GRIN2A: variants seen among roughly 807,000 people sequenced by gnomAD.
GRIN2A encodes the protein glutamate ionotropic receptor NMDA type subunit 2A.
Under a neutral mutation model 113.4 loss-of-function variants are expected in GRIN2A, and 22 were observed. The ratio of observed to expected loss-of-function variants is 0.19; its 90% CI spans 0.14 to 0.28. The LOEUF (loss-of-function observed/expected upper bound fraction) is 0.28. Ranked by LOEUF, GRIN2A falls within the 10% of genes least tolerant of loss-of-function variation. The probability of loss-of-function intolerance (pLI) is 1.00; values close to 1 mark genes in which losing one functional copy is unlikely to be tolerated. For missense variants in GRIN2A, 1,502 were observed against 1,887.0 expected (o/e 0.80, Z 3.78); for synonymous variants, 827 against 738.4 (o/e 1.12, Z -1.94).
intron 2 of GRIN2A, among the ~76,000 whole-genome samples, chr16:10,121,132 C>A (rs1454057648): frequency 6.6e-6 from 1 of 152,142 alleles, no homozygotes; most frequent in Non-Finnish European, 1.5e-5. Flanking sequence ...AAGGGTGGGG[C>A]AACCACAAAG....
At chr16:9,769,743 T>C (rs187038277) in intron 11 of GRIN2A, among the ~76,000 whole-genome samples, 70 of 152,270 alleles carry the variant, frequency 4.6e-4, no homozygotes, top group Middle Eastern at 3.4e-3. Flanking sequence ...ACCCAGATCA[T>C]AGTAAGTTTT....
chr16:9,762,178 G>T lies in GRIN2A; in HGVS notation c.*971C>A, dbSNP rs886052547. ...CAGCTAATTGGACACCACCATGGCT[G>T]TTTGGAAACGGAACGAGTTATGGTT... On this transcript the variant is annotated 3_prime_UTR_variant, in exon 13 of 13. Transcript: ENST00000330684. The T allele has an allele frequency of 9.1e-6, 2 of 219,328 alleles. No homozygotes were observed. The highest frequency in any genetic ancestry group is 1.8e-5 in the Non-Finnish European group (2 of 109,020). 13.6% of individuals were successfully genotyped at this position (219,328 alleles called of 1,614,324 possible). A position where few individuals can be genotyped will look rare whatever the true frequency, so the allele number is the denominator to read the frequency against.
chr16:9,869,393 A>T (rs2043217492), intron 4 of GRIN2A, among the ~76,000 whole-genome samples: 1 of 152,160 alleles, frequency 6.6e-6, no homozygotes, highest in South Asian at 2.1e-4. Context: ...AAATCACACC[A>T]ATGCACTCCA....
At chr16:9,808,384 T>C (rs1324108012) in intron 10 of GRIN2A, among the ~76,000 whole-genome samples, 11 of 152,182 alleles carry the variant, frequency 7.2e-5, no homozygotes, top group Non-Finnish European at 1.5e-4. Flanking sequence ...CACCCCATCA[T>C]ACTGTTAGTA....
chr16:9,887,318 G>A (rs907831874), intron 4 of GRIN2A, among the ~76,000 whole-genome samples: 2 of 152,122 alleles, frequency 1.3e-5, no homozygotes, highest in Non-Finnish European at 2.9e-5. Context: ...AAAATTCCCT[G>A]TGCCCCTGTC....
chr16:9,909,741 G>C (rs1431574410), intron 3 of GRIN2A, among the ~76,000 whole-genome samples: 1 of 152,112 alleles, frequency 6.6e-6, no homozygotes, highest in Non-Finnish European at 1.5e-5. Context: ...TTTATTTTTA[G>C]AATTAGATTT....
At chr16:9,936,634 A>C (rs2044719786) in intron 3 of GRIN2A, among the ~76,000 whole-genome samples, 1 of 152,218 alleles carries the variant, frequency 6.6e-6, no homozygotes, top group African/African-American at 2.4e-5. Context: ...AGAAACCTAA[A>C]ATTTAACTTA....
At chr16:9,902,232 T>G (rs1404867988) in intron 3 of GRIN2A, among the ~76,000 whole-genome samples, 3 of 152,212 alleles carry the variant, frequency 2.0e-5, no homozygotes, top group African/African-American at 7.2e-5. Context: ...GACAATTTTC[T>G]GGATAATAGG....
chr16:10,085,885 A>G (rs565945866), intron 2 of GRIN2A, among the ~76,000 whole-genome samples: 20 of 152,166 alleles, frequency 1.3e-4, no homozygotes, highest in Non-Finnish European at 1.2e-4. Flanking sequence ...CTAGGATTCA[A>G]ACCAACCAGT....
intron 3 of GRIN2A, among the ~76,000 whole-genome samples, chr16:9,914,714 G>A (rs1240029838): frequency 6.6e-6 from 1 of 151,902 alleles, no homozygotes; most frequent in African/African-American, 2.4e-5. Context: ...ATTGAAACTT[G>A]CCATTAAGGC....
At chr16:10,120,653 C>T (rs2142178988) in intron 2 of GRIN2A, among the ~76,000 whole-genome samples, 1 of 152,282 alleles carries the variant, frequency 6.6e-6, no homozygotes, top group Non-Finnish European at 1.5e-5. Flanking sequence ...AGAGACTCCA[C>T]ATTAAAACAC....
At chr16:10,009,264 A>AGG in intron 2 of GRIN2A, among the ~76,000 whole-genome samples, 1 of 152,244 alleles carries the variant, frequency 6.6e-6, no homozygotes, top group Non-Finnish European at 1.5e-5. Context: ...TGCTGATTTA[A>AGG]TTTTTGTAAT....
At chr16:10,028,076 C>T (rs768328497) in intron 2 of GRIN2A, among the ~76,000 whole-genome samples, 1 of 152,106 alleles carries the variant, frequency 6.6e-6, no homozygotes, top group Non-Finnish European at 1.5e-5. Context: ...CTGAAAATGC[C>T]GACATCATCC....
At chr16:10,018,446 C>G (rs552314230) in intron 2 of GRIN2A, among the ~76,000 whole-genome samples, 1 of 152,170 alleles carries the variant, frequency 6.6e-6, no homozygotes, top group Non-Finnish European at 1.5e-5. Flanking sequence ...AAGAGTTCAC[C>G]AAAACGTGAA....
intron 4 of GRIN2A, among the ~76,000 whole-genome samples, chr16:9,852,129 A>G (rs932203760): frequency 6.6e-6 from 1 of 152,202 alleles, no homozygotes; most frequent in African/African-American, 2.4e-5. Context: ...CATGGTAAGC[A>G]TTATTATTCC....
At chr16:9,995,430 G>C (rs79108531) in intron 2 of GRIN2A, among the ~76,000 whole-genome samples, 2,390 of 152,306 alleles carry the variant, frequency 0.016, 41 homozygotes, top group Non-Finnish European at 0.022. Context: ...GTTTAATAAA[G>C]ACAAGAAGGT....
intron 2 of GRIN2A, among the ~76,000 whole-genome samples, chr16:10,135,516 C>T (rs1323302386): frequency 1.3e-5 from 2 of 152,192 alleles, no homozygotes; most frequent in African/African-American, 2.4e-5. Context: ...AATTCCAAGG[C>T]CACTGCCACT....
chr16:10,079,365 A>C (rs1182789188), intron 2 of GRIN2A, among the ~76,000 whole-genome samples: 1 of 152,222 alleles, frequency 6.6e-6, no homozygotes, highest in South Asian at 2.1e-4. Flanking sequence ...AGACCTGAAG[A>C]ATGAGATGGA....
intron 2 of GRIN2A, among the ~76,000 whole-genome samples, chr16:10,006,507 A>G (rs572672255): frequency 5.3e-5 from 8 of 152,330 alleles, no homozygotes; most frequent in African/African-American, 1.9e-4. Flanking sequence ...TTATGGGTAC[A>G]TAGTGGGTGT....
Sources: allele counts gnomAD v4.1 joint callset (sites outside exome capture counted in the v4.1 genomes callset), GRCh38; gene constraint gnomAD v4.1.1; transcripts MANE v1.5; gene names NCBI Gene and HGNC (gene_info 2026-07-23, HGNC 2026-07-21).